Variants in GABRP observed in about 807,000 individuals in gnomAD.
GABRP encodes gamma-aminobutyric acid type A receptor subunit pi, also known as gamma-aminobutyric acid receptor subunit pi.
In GABRP, 52 loss-of-function variants were observed where a neutral mutation model predicts 47.8. The ratio of observed to expected loss-of-function variants is 1.09; its 90% CI spans 0.87 to 1.37. The LOEUF (loss-of-function observed/expected upper bound fraction) is 1.37, where lower values mean the gene tolerates loss of function less well. Ranked by LOEUF, GABRP falls within the 40% of genes most tolerant of loss-of-function variation. The pLI is 0.00. For missense variants in GABRP, 525 were observed against 542.8 expected (o/e 0.97, Z 0.33); for synonymous variants, 221 against 205.8 (o/e 1.07, Z -0.63).
intron 5 of GABRP, among the ~76,000 whole-genome samples, chr5:170,796,638 A>C (rs10066092): frequency 0.35 from 53,722 of 152,006 alleles, 9,807 homozygotes; most frequent in East Asian, 0.42. Context: ...AGAACTGTTC[A>C]AAGGGGTAAT....
At chr5:170,784,228 T>C (rs1226425149) in intron 1 of GABRP, among the ~76,000 whole-genome samples, 1 of 152,220 alleles carries the variant, frequency 6.6e-6, no homozygotes, top group East Asian at 1.9e-4. Context: ...AACAAATGAT[T>C]CTGTCTATGC....
chr5:170,812,590 A>C lies in GABRP; in HGVS notation c.*332A>C, dbSNP rs953905117. 8.9e-6 allele frequency: 2 copies of C among 225,890 alleles called. No homozygotes were observed. Among genetic ancestry groups the C allele is most frequent in the Non-Finnish European group, 1.8e-5 (2 of 113,478 alleles). The allele number at this position is 225,890 out of a possible 1,614,324, so 14.0% of individuals were successfully genotyped here. ...CATTTACCTCATATAAAGAATGGGA[A>C]GGAGACCATTGGGTAACCCTCAAGT... On this transcript the variant is annotated 3_prime_UTR_variant, in exon 10 of 10. Transcript: ENST00000265294.
At position 170,813,689 on chromosome 5, in the gene GABRP, T is replaced by C. The variant is rs1765951012; in HGVS notation, c.*1431T>C. On this transcript the variant is annotated 3_prime_UTR_variant, in exon 10 of 10. Transcript: ENST00000265294. ...TTTCTTAGCTTCCTGTTCTAATAAA[T>C]GCACGGCTTTACCTTTCCTGTCAGA... 1 of 152,218 alleles carries C rather than the reference T, an allele frequency of 6.6e-6. No homozygotes were observed. Among genetic ancestry groups the C allele is most frequent in the Non-Finnish European group, 1.5e-5 (1 of 68,048 alleles). 9.4% of individuals were successfully genotyped at this position (152,218 alleles called of 1,614,324 possible). A position where few individuals can be genotyped will look rare whatever the true frequency, so the allele number is the denominator to read the frequency against.
chr5:170,787,451 G>A (rs1765154819), intron 1 of GABRP, among the ~76,000 whole-genome samples: 1 of 152,224 alleles, frequency 6.6e-6, no homozygotes, highest in African/African-American at 2.4e-5. Flanking sequence ...CTGAAGCTGA[G>A]GAGGCCGGGC....
rs781550114 is a variant in GABRP at position 170,812,122 on chromosome 5, G to A, written c.1187G>A (p.Arg396Gln). Residue 396 changes from arginine (R) to glutamine (Q), a missense_variant, in exon 10 of 10, where the codon CGA becomes CAA. By Grantham distance (43) the Arg-to-Gln change is conservative. Transcript: ENST00000265294. ...KTSDKFKFVF[R>Q]EKMGRIVDYF... ...AGCGACAAGTTCAAGTTTGTCTTCC[G>A]AGAAAAGATGGGCAGGATTGTTGAT... 39 of 1,613,992 alleles carry A rather than the reference G, an allele frequency of 2.4e-5. No homozygotes were observed. The highest frequency in any genetic ancestry group is 1.8e-4 in the South Asian group (16 of 91,078).
intron 6 of GABRP, among the ~76,000 whole-genome samples, chr5:170,800,940 C>T (rs1354803363): frequency 6.6e-6 from 1 of 152,156 alleles, no homozygotes; most frequent in Non-Finnish European, 1.5e-5. Flanking sequence ...GAACAAGACA[C>T]CATCTCAAAC....
At chr5:170,796,663 C>T (rs1053756362) in intron 5 of GABRP, among the ~76,000 whole-genome samples, 18 of 152,142 alleles carry the variant, frequency 1.2e-4, no homozygotes, top group African/African-American at 4.3e-4. Flanking sequence ...GCAAAGCACT[C>T]AGCCCAGGGA....
rs1242145855 is a variant in GABRP at position 170,797,380 on chromosome 5, G to C, written c.459-86G>C. On this transcript the variant is annotated intron_variant, in intron 5 of 9. Transcript: ENST00000265294. Reference sequence around the variant, plus strand: ...TGTTCATTTAAGAGTTCCAGTGAAAGTCTTCTTTGAGTGGGCCTTCGAAGG... The same window carrying C: ...TGTTCATTTAAGAGTTCCAGTGAAACTCTTCTTTGAGTGGGCCTTCGAAGG... The C allele has an allele frequency of 6.1e-6, 5 of 819,904 alleles. No homozygotes were observed. In the East Asian group the frequency reaches 1.2e-4, roughly 20 times the overall value. The allele number at this position is 819,904 out of a possible 1,614,324, so 50.8% of individuals were successfully genotyped here.
intron 6 of GABRP, among the ~76,000 whole-genome samples, chr5:170,802,563 C>T (rs560630429): frequency 1.5e-4 from 23 of 152,332 alleles, no homozygotes; most frequent in Middle Eastern, 3.4e-3. Context: ...AAAGAGAACT[C>T]ATTTTCAGTC....
chr5:170,797,618 G>C, intron 6 of GABRP, 70 bp downstream of exon 6: 1 of 908,578 alleles, frequency 1.1e-6, no homozygotes, highest in South Asian at 1.3e-5. Context: ...TTCATGAAAA[G>C]TATCTCATAC....
chr5:170,788,347 T>TA lies in GABRP; in HGVS notation c.-42-219dup, dbSNP rs5873237. 5.3e-4 allele frequency: 185 copies of TA among 347,818 alleles called. 1 individual carries two copies. The highest frequency in any genetic ancestry group is 4.0e-3 in the African/African-American group (152 of 37,818). The allele number at this position is 347,818 out of a possible 1,614,324, so 21.5% of individuals were successfully genotyped here. A position where few individuals can be genotyped will look rare whatever the true frequency, so the allele number is the denominator to read the frequency against. Reference sequence around the variant, plus strand: ...CTGGATGACAGAGTGAGGCCCTGTTTAAAAAAAATAAAAAATTAAAAAAAA... The same window carrying TA: ...CTGGATGACAGAGTGAGGCCCTGTTTAAAAAAAAATAAAAAATTAAAAAAAA... On this transcript the variant is annotated intron_variant, in intron 1 of 9. Transcript: ENST00000265294.
intron 6 of GABRP, among the ~76,000 whole-genome samples, chr5:170,804,971 T>A (rs554862703): frequency 1.1e-3 from 110 of 97,566 alleles, no homozygotes; most frequent in African/African-American, 8.1e-3. Flanking sequence ...TATACGTTTA[T>A]ATATTATATA....
chr5:170,809,704 A>C lies in GABRP; in HGVS notation c.969A>C (p.Glu323Asp). ...GCTTTGTGTTTGGGGCCTTGCTAGA[A>C]TATGCAGTTGCTCACTACAGTTCCT... ...CFSFVFGALL[E>D]YAVAHYSSLQ... The change falls in exon 9 of 10, where the codon GAA (glutamate) becomes GAC (aspartate). Residue 323 changes from glutamate (E) to aspartate (D), a missense_variant. By Grantham distance (45) the Glu-to-Asp change is conservative. Transcript: ENST00000265294. 1 of 1,612,394 alleles carries C rather than the reference A, an allele frequency of 6.2e-7. No individual in the cohort carries two copies. The highest frequency in any genetic ancestry group is 8.5e-7 in the Non-Finnish European group (1 of 1,179,140).
intron 6 of GABRP, among the ~76,000 whole-genome samples, chr5:170,805,023 T>G (rs1362508116): frequency 6.8e-6 from 1 of 147,338 alleles, no homozygotes; most frequent in African/African-American, 2.5e-5. Context: ...TATATTATAA[T>G]ATTTATATAT....
At chr5:170,807,863 A>G (rs139511908) in intron 7 of GABRP, among the ~76,000 whole-genome samples, 1 of 152,138 alleles carries the variant, frequency 6.6e-6, no homozygotes, top group Non-Finnish European at 1.5e-5. Context: ...TTTTTCCCCA[A>G]CAACAATCTA....
chr5:170,812,527 T>G lies in GABRP; in HGVS notation c.*269T>G. On this transcript the variant is annotated 3_prime_UTR_variant, in exon 10 of 10. Transcript: ENST00000265294. ...TTCCCATGGAGCCCAAGATTACAAA[T>G]GTACTCAGGGCTGTTTATTCGGTGG... The G allele has an allele frequency of 2.4e-6, 1 of 413,586 alleles. No individual in the cohort carries two copies. The highest frequency in any genetic ancestry group is 3.3e-5 in the South Asian group (1 of 30,376). The allele number at this position is 413,586 out of a possible 1,614,324, so 25.6% of individuals were successfully genotyped here. A position where few individuals can be genotyped will look rare whatever the true frequency, so the allele number is the denominator to read the frequency against.
intron 6 of GABRP, among the ~76,000 whole-genome samples, chr5:170,799,465 T>C (rs113477275): frequency 0.082 from 12,481 of 152,256 alleles, 606 homozygotes; most frequent in Non-Finnish European, 0.11. Flanking sequence ...TTTTTAATGA[T>C]TGCCATTCTA....
At chr5:170,805,645 G>A in intron 6 of GABRP, 71 bp from the exon 7 acceptor site, 1 of 1,538,678 alleles carries the variant, frequency 6.5e-7, no homozygotes, top group Admixed American at 1.8e-5. Flanking sequence ...CCATATTATA[G>A]CATTTTCCAG....
intron 1 of GABRP, among the ~76,000 whole-genome samples, chr5:170,787,748 G>A (rs1420593275): frequency 6.6e-6 from 1 of 152,194 alleles, no homozygotes; most frequent in African/African-American, 2.4e-5. Context: ...CCACTGTGAG[G>A]ATGGAGTGAG....
Sources: gnomAD v4.1 joint callset for allele counts (sites outside exome capture counted in the v4.1 genomes callset) on GRCh38, gnomAD v4.1.1 for gene constraint, MANE v1.5 for transcripts, NCBI Gene and HGNC (gene_info 2026-07-23, HGNC 2026-07-21) for gene names.